SRPRB: variants seen among roughly 807,000 people sequenced by gnomAD.
SRPRB encodes signal recognition particle receptor subunit beta.
A neutral mutation model predicts 31.9 loss-of-function variants in SRPRB; 20 were observed. The observed-to-expected ratio is 0.63, with a 90% CI of 0.44 to 0.91. The LOEUF (loss-of-function observed/expected upper bound fraction) is 0.91, where lower values mean the gene tolerates loss of function less well. Among genes scored for constraint, SRPRB ranks in the 40% least tolerant of loss-of-function variants. SRPRB has a pLI of 0.00. For missense variants in SRPRB, 321 were observed against 324.9 expected (o/e 0.99, Z 0.09); for synonymous variants, 146 against 132.8 (o/e 1.10, Z -0.68).
At chr3:133,818,764 G>GT (rs976430458) in intron 6 of SRPRB, among the ~76,000 whole-genome samples, 2 of 147,922 alleles carry the variant, frequency 1.4e-5, no homozygotes, top group African/African-American at 5.0e-5. Context: ...GTTTTGTATT[G>GT]TTTTTTAAAA....
intron 1 of SRPRB, chr3:133,784,701 C>T (rs1234895381): frequency 6.6e-6 from 1 of 152,038 alleles, no homozygotes; most frequent in African/African-American, 2.4e-5. Flanking sequence ...CAGTTTCATC[C>T]TGAAACCATG....
chr3:133,800,776 C>A (rs1935049435), intron 1 of SRPRB, among the ~76,000 whole-genome samples: 1 of 152,184 alleles, frequency 6.6e-6, no homozygotes, highest in African/African-American at 2.4e-5. Context: ...CAGCAATGGA[C>A]ACAGTAGGCC....
intron 1 of SRPRB, chr3:133,789,151 G>T (rs1399671411): frequency 6.6e-6 from 1 of 152,294 alleles, no homozygotes; most frequent in Non-Finnish European, 1.5e-5. Context: ...CAAAGGGGAT[G>T]CCCTTGGCAG....
At chr3:133,816,728 T>C in intron 5 of SRPRB, 150 bp from the exon 6 acceptor site, 1 of 545,084 alleles carries the variant, frequency 1.8e-6, no homozygotes, top group Non-Finnish European at 3.2e-6. Context: ...AAGCTTACTT[T>C]GATAGAGAAG....
At chr3:133,799,933 A>G (rs959381458) in intron 1 of SRPRB, among the ~76,000 whole-genome samples, 1 of 152,234 alleles carries the variant, frequency 6.6e-6, no homozygotes, top group African/African-American at 2.4e-5. Flanking sequence ...TAACGCCAGC[A>G]TGTGCACTTC....
intron 1 of SRPRB, chr3:133,789,862 A>C (rs1266977385): frequency 1.3e-5 from 2 of 148,844 alleles, no homozygotes; most frequent in Non-Finnish European, 3.0e-5. Flanking sequence ...CAGCCAAAAC[A>C]AAACGATCTC....
downstream of SRPRB, chr3:133,827,957 C>T (rs1286601652): frequency 2.8e-6 from 2 of 702,892 alleles, no homozygotes; most frequent in East Asian, 2.7e-5. Context: ...ATAAACCACG[C>T]ACCACGCAGC....
At chr3:133,825,677 C>CCAT (rs1364458823), downstream of SRPRB, 1 of 152,150 alleles carries the variant, frequency 6.6e-6, no homozygotes, top group African/African-American at 2.4e-5. Context: ...TTTGCTTTTT[C>CCAT]CATCTTACAC....
In SRPRB at chr3:133,805,923, C is replaced by T; in HGVS notation, c.75C>T (p.Thr25=). The change falls in exon 1 of 7, where the codon ACC becomes ACT. Residue 25 remains threonine (T), a synonymous_variant. Coordinates refer to ENST00000678299, the MANE Select transcript of SRPRB (RefSeq NM_001379313.1). ...AGGTFQPYLD[T]LRQELQQTDP... ...GCACCTTCCAGCCCTACCTAGACAC[C>T]TTGCGGCAGGAGCTGCAGCAGACGG... 1.9e-6 allele frequency: 3 copies of T among 1,614,074 alleles called. No homozygotes were observed. The highest frequency in any genetic ancestry group is 2.5e-6 in the Non-Finnish European group (3 of 1,179,922).
chr3:133,806,461 A>T (rs574622201), intron 1 of SRPRB, 148 bp from the exon 2 acceptor site: 1 of 618,418 alleles, frequency 1.6e-6, no homozygotes, highest in African/African-American at 1.8e-5. Context: ...ATCCCTAACA[A>T]CAGCAATAGT....
chr3:133,802,328 G>A (rs751419948), upstream of SRPRB, among the ~76,000 whole-genome samples: 50 of 152,106 alleles, frequency 3.3e-4, 1 homozygote, highest in Admixed American at 2.4e-3. Flanking sequence ...AGGATCACTT[G>A]AGCCCAGGAG....
intron 5 of SRPRB, among the ~76,000 whole-genome samples, chr3:133,816,536 G>T (rs578176394): frequency 2.6e-5 from 4 of 152,172 alleles, no homozygotes; most frequent in African/African-American, 9.7e-5. Flanking sequence ...GCATGTGAAG[G>T]CACTTCTCAT....
chr3:133,802,152 C>T (rs1935071761), upstream of SRPRB, among the ~76,000 whole-genome samples: 2 of 152,166 alleles, frequency 1.3e-5, no homozygotes, highest in Admixed American at 1.3e-4. Flanking sequence ...TGCCTGTAAT[C>T]CCACCACTCT....
chr3:133,815,195 G>A (rs1044861744), intron 4 of SRPRB, among the ~76,000 whole-genome samples: 1 of 152,154 alleles, frequency 6.6e-6, no homozygotes, highest in African/African-American at 2.4e-5. Flanking sequence ...CCAATTTTTG[G>A]TCTAGCTAAG....
intron 1 of SRPRB, 36 bp downstream of exon 1, chr3:133,806,038 C>T (rs1169384812): frequency 2.5e-6 from 4 of 1,600,144 alleles, no homozygotes; most frequent in Admixed American, 1.7e-5. Context: ...GGGTTTGGGG[C>T]GGGCAGAGGT....
intron 6 of SRPRB, among the ~76,000 whole-genome samples, chr3:133,818,065 T>A (rs545686884): frequency 6.6e-6 from 1 of 152,260 alleles, no homozygotes; most frequent in Admixed American, 6.5e-5. Flanking sequence ...GCTGCGAGTT[T>A]ATCACCCTGT....
chr3:133,822,703 T>C (rs2107979262), downstream of SRPRB, among the ~76,000 whole-genome samples: 1 of 152,340 alleles, frequency 6.6e-6, no homozygotes, highest in Non-Finnish European at 1.5e-5. Flanking sequence ...TTTCTTGTTT[T>C]TGAAGTTTTG....
At chr3:133,791,136 A>G (rs992876967) in intron 1 of SRPRB, 1 of 152,086 alleles carries the variant, frequency 6.6e-6, no homozygotes, top group Non-Finnish European at 1.5e-5. Flanking sequence ...GCAAGTCATC[A>G]TTTGTTCCAT....
chr3:133,808,775 A>C (rs1935206361), intron 3 of SRPRB, among the ~76,000 whole-genome samples: 1 of 151,246 alleles, frequency 6.6e-6, no homozygotes, highest in Admixed American at 6.6e-5. Flanking sequence ...CCTGTAACCC[A>C]GCTACTCGGG....
Sources: gnomAD v4.1 joint callset for allele counts (sites outside exome capture counted in the v4.1 genomes callset) on GRCh38, gnomAD v4.1.1 for gene constraint, MANE v1.5 for transcripts, NCBI Gene and HGNC (gene_info 2026-07-23, HGNC 2026-07-21) for gene names.